LSAMP: variants seen among roughly 807,000 people sequenced by gnomAD.
LSAMP encodes the protein limbic system associated membrane protein, also known as limbic system-associated membrane protein.
A neutral mutation model predicts 38.6 loss-of-function variants in LSAMP; 7 were observed. That is an observed-to-expected ratio of 0.18 (90% CI 0.10 to 0.34). The LOEUF (loss-of-function observed/expected upper bound fraction) is 0.34, where lower values mean the gene tolerates loss of function less well. LSAMP is among the 10% of genes least tolerant of loss of function. The pLI, the probability that LSAMP is intolerant of heterozygous loss-of-function variation, is 1.00. For synonymous variants in LSAMP, 154 were observed against 166.8 expected, an observed-to-expected ratio of 0.92 and a Z score of 0.59; for missense variants, 313 against 420.0, an observed-to-expected ratio of 0.75 and a Z score of 2.23.
intron 1 of LSAMP, among the ~76,000 whole-genome samples, chr3:116,426,879 A>C (rs1050126060): frequency 7.1e-6 from 1 of 140,834 alleles, no homozygotes; most frequent in Non-Finnish European, 1.5e-5. Flanking sequence ...ATTATTATTA[A>C]TACTAATCTG....
chr3:115,867,876 AG>A (rs1935906747), intron 3 of LSAMP, among the ~76,000 whole-genome samples: 1 of 152,172 alleles, frequency 6.6e-6, no homozygotes. Context: ...TCTGAGAGTA[AG>A]TAAATAGATG....
intron 6 of LSAMP, among the ~76,000 whole-genome samples, chr3:115,837,371 A>T (rs1294342671): frequency 6.6e-6 from 1 of 151,906 alleles, no homozygotes; most frequent in Non-Finnish European, 1.5e-5. Context: ...TTTCTAAAGT[A>T]CAAGGTAATC....
chr3:116,259,765 A>G (rs1023164964), intron 1 of LSAMP, among the ~76,000 whole-genome samples: 2 of 152,094 alleles, frequency 1.3e-5, no homozygotes, highest in Non-Finnish European at 2.9e-5. Flanking sequence ...AATACTTTTG[A>G]TAAGAAAAAG....
At chr3:116,067,575 T>A (rs143962824) in intron 2 of LSAMP, among the ~76,000 whole-genome samples, 2 of 152,338 alleles carry the variant, frequency 1.3e-5, no homozygotes, top group African/African-American at 4.8e-5. Flanking sequence ...ACTGGTGAAC[T>A]GGCAAATACC....
intron 3 of LSAMP, among the ~76,000 whole-genome samples, chr3:115,978,695 A>G (rs1939263219): frequency 6.6e-6 from 1 of 150,912 alleles, no homozygotes; most frequent in South Asian, 2.1e-4. Context: ...GAATCAATGA[A>G]AAAAAAAAAG....
At chr3:115,910,816 T>C (rs1937117976) in intron 3 of LSAMP, among the ~76,000 whole-genome samples, 1 of 152,192 alleles carries the variant, frequency 6.6e-6, no homozygotes, top group Admixed American at 6.6e-5. Context: ...GCATAGACTC[T>C]TTTTCTTTCA....
chr3:116,024,603 G>A (rs1016392591), intron 2 of LSAMP, among the ~76,000 whole-genome samples: 2 of 151,976 alleles, frequency 1.3e-5, no homozygotes, highest in Admixed American at 1.3e-4. Flanking sequence ...CTGTGAGGAC[G>A]GAGAAATAGA....
intron 1 of LSAMP, among the ~76,000 whole-genome samples, chr3:116,092,550 A>G (rs1192532904): frequency 1.3e-5 from 2 of 152,246 alleles, no homozygotes; most frequent in African/African-American, 2.4e-5. Flanking sequence ...AAAGGTAAGC[A>G]CACAAATTTT....
At chr3:116,186,687 C>T (rs775732982) in intron 1 of LSAMP, among the ~76,000 whole-genome samples, 1 of 152,146 alleles carries the variant, frequency 6.6e-6, no homozygotes, top group Non-Finnish European at 1.5e-5. Context: ...CATTTCTCCA[C>T]ACTCTTGCTT....
chr3:116,237,386 CTG>C (rs1224583992), intron 1 of LSAMP, among the ~76,000 whole-genome samples: 8 of 152,080 alleles, frequency 5.3e-5, no homozygotes, highest in African/African-American at 1.7e-4. Context: ...GGTTTAACCT[CTG>C]TGGTTATGGT....
intron 3 of LSAMP, among the ~76,000 whole-genome samples, chr3:115,898,587 G>A (rs1049394197): frequency 1.5e-5 from 2 of 130,866 alleles, no homozygotes; most frequent in East Asian, 4.2e-4. Context: ...TGCCTCATTT[G>A]CATGAAGATG....
intron 3 of LSAMP, among the ~76,000 whole-genome samples, chr3:115,873,460 C>G (rs1014247539): frequency 7.3e-5 from 11 of 150,976 alleles, no homozygotes; most frequent in Admixed American, 2.0e-4. Flanking sequence ...AAAAGGAGAT[C>G]TATGGCATAA....
chr3:116,008,652 A>C (rs1940235369), intron 3 of LSAMP, among the ~76,000 whole-genome samples: 1 of 152,114 alleles, frequency 6.6e-6, no homozygotes, highest in Non-Finnish European at 1.5e-5. Flanking sequence ...ATTCAATGAC[A>C]AAGTATTATA....
At chr3:115,836,871 C>A (rs959904030) in intron 6 of LSAMP, among the ~76,000 whole-genome samples, 2 of 152,136 alleles carry the variant, frequency 1.3e-5, no homozygotes. Flanking sequence ...CCTTCTGCCT[C>A]CCAGGCTCAA....
chr3:115,989,503 G>A (rs2107640002), intron 3 of LSAMP, among the ~76,000 whole-genome samples: 1 of 151,876 alleles, frequency 6.6e-6, no homozygotes, highest in Non-Finnish European at 1.5e-5. Context: ...CTCTTTCCAT[G>A]TTCTCTTTGC....
At chr3:116,137,270 G>A (rs947286381) in intron 1 of LSAMP, among the ~76,000 whole-genome samples, 4 of 151,968 alleles carry the variant, frequency 2.6e-5, no homozygotes, top group African/African-American at 9.7e-5. Flanking sequence ...CATCAGCCAA[G>A]GCCCTTGTGC....
chr3:116,440,057 A>T (rs1356780274), intron 1 of LSAMP, among the ~76,000 whole-genome samples: 1 of 152,246 alleles, frequency 6.6e-6, no homozygotes, highest in Non-Finnish European at 1.5e-5. Flanking sequence ...AATGAAGCTC[A>T]AAGTATTCAA....
intron 1 of LSAMP, among the ~76,000 whole-genome samples, chr3:116,148,931 C>T (rs558418286): frequency 1.3e-4 from 20 of 152,130 alleles, no homozygotes; most frequent in African/African-American, 4.8e-4. Context: ...GAAAATGGCA[C>T]AGGCTATGAA....
chr3:116,131,459 C>A (rs1034343628), intron 1 of LSAMP, among the ~76,000 whole-genome samples: 1 of 152,056 alleles, frequency 6.6e-6, no homozygotes, highest in African/African-American at 2.4e-5. Flanking sequence ...TGGTTTGAGA[C>A]TTTTACTGTC....
Sources: gnomAD v4.1 joint callset for allele counts (sites outside exome capture counted in the v4.1 genomes callset) on GRCh38, gnomAD v4.1.1 for gene constraint, MANE v1.5 for transcripts, NCBI Gene and HGNC (gene_info 2026-07-23, HGNC 2026-07-21) for gene names.